Variants in IYD observed in about 807,000 individuals in gnomAD.
IYD encodes the protein iodotyrosine deiodinase 1.
A neutral mutation model predicts 28.4 loss-of-function variants in IYD; 25 were observed. The ratio of observed to expected loss-of-function variants is 0.88; its 90% CI spans 0.64 to 1.23. IYD has a LOEUF of 1.23. IYD is among the 50% of genes most tolerant of loss of function. The pLI is 0.00. For synonymous variants in IYD, 140 were observed against 130.8 expected (o/e 1.07, Z -0.48); for missense variants, 352 against 357.9 (o/e 0.98, Z 0.13).
At chr6:150,396,615 C>T (rs1191846254) in intron 4 of IYD, 6 of 526,266 alleles carry the variant, frequency 1.1e-5, no homozygotes, top group Non-Finnish European at 2.0e-5. Context: ...TGGCTCACGC[C>T]TCTAATCCCA....
At chr6:150,373,630 G>C (rs62432482) in intron 1 of IYD, among the ~76,000 whole-genome samples, 23,633 of 152,078 alleles carry the variant, frequency 0.16, 3,679 homozygotes, top group African/African-American at 0.39. Context: ...TTGAAGTCAC[G>C]CCATGGTGTG....
chr6:150,385,413 T>C (rs1193607583), intron 1 of IYD, among the ~76,000 whole-genome samples: 1 of 152,092 alleles, frequency 6.6e-6, no homozygotes, highest in East Asian at 1.9e-4. Flanking sequence ...TACTAAGAGA[T>C]AAATGTCAAG....
chr6:150,398,190 C>T lies in IYD; in HGVS notation c.823C>T (p.Pro275Ser), dbSNP rs372023699. ...GTACCCCAGCAAGGAGGCCACGGTG[C>T]CTGACCTCAAGCGCAAACCTCTGGA... ...VGYPSKEATV[P>S]DLKRKPLDQI... Residue 275 changes from proline to serine, a missense_variant, in exon 5 of 5, where the codon CCT becomes TCT. Transcript: ENST00000344419. 113 of 1,614,166 alleles carry T rather than the reference C, an allele frequency of 7.0e-5. No homozygotes were observed. Among genetic ancestry groups the T allele is most frequent in the Non-Finnish European group, 9.6e-5 (113 of 1,180,036 alleles).
intron 4 of IYD, chr6:150,395,759 G>A (rs1254628130): frequency 2.9e-6 from 2 of 680,004 alleles, no homozygotes; most frequent in Non-Finnish European, 5.4e-6. Flanking sequence ...GCAGCTTCCA[G>A]AACTTCCTGG....
At chr6:150,397,945 G>A (rs1043532755) in intron 4 of IYD, 110 bp from the exon 5 acceptor site, 22 of 1,115,798 alleles carry the variant, frequency 2.0e-5, no homozygotes, top group Middle Eastern at 2.2e-4. Flanking sequence ...CAACTTCAGG[G>A]AAATGATAGG....
At chr6:150,394,408 T>G (rs1219775483) in intron 4 of IYD, among the ~76,000 whole-genome samples, 153 bp downstream of exon 4, 1 of 152,196 alleles carries the variant, frequency 6.6e-6, no homozygotes, top group African/African-American at 2.4e-5. Flanking sequence ...GAAACCTGGA[T>G]TGGTGACTAT....
At chr6:150,380,569 A>G (rs1365422231) in intron 1 of IYD, among the ~76,000 whole-genome samples, 1 of 152,182 alleles carries the variant, frequency 6.6e-6, no homozygotes, top group African/African-American at 2.4e-5. Context: ...AAAAGGCTGA[A>G]TCCTCAATCC....
At position 150,398,316 on chromosome 6, in the gene IYD, C is replaced by T; in HGVS notation, c.*79C>T. ...CCTCTCGCCTGCTCCTCTTGGGTCT[C>T]TTGGCTGCTCTTTCTCCAGGTGTCA... On this transcript the variant is annotated 3_prime_UTR_variant, in exon 5 of 5. Coordinates refer to ENST00000344419, the MANE Select transcript of IYD (RefSeq NM_203395.3). 7.2e-7 allele frequency: 1 copy of T among 1,394,852 alleles called. No homozygotes were observed. The highest frequency in any genetic ancestry group is 1.0e-6 in the Non-Finnish European group (1 of 987,110). 86.4% of individuals were successfully genotyped at this position (1,394,852 alleles called of 1,614,324 possible).
Position 150,392,275 on chromosome 6 carries a change from C to T in IYD, c.371-70C>T, listed in dbSNP as rs1037193137. On this transcript the variant is annotated intron_variant, in intron 2 of 4. Transcript: ENST00000344419. The stretch of plus-strand genomic sequence containing the variant: ...AAAGTGCTTGGACTACAGGGATGAG[C>T]CTCTCCTTAATTAGCAGTCTCACAC... The T allele has an allele frequency of 1.9e-6, 3 of 1,607,232 alleles. No homozygotes were observed. In the Admixed American group the frequency reaches 5.0e-5, roughly 27 times the overall value.
chr6:150,391,162 G>A (rs1446920224), intron 2 of IYD, among the ~76,000 whole-genome samples: 11 of 151,664 alleles, frequency 7.3e-5, no homozygotes, highest in African/African-American at 2.2e-4. Context: ...GCTTGAACCC[G>A]GGAGGTGGAA....
chr6:150,396,455 G>A, intron 4 of IYD: 2 of 695,986 alleles, frequency 2.9e-6, no homozygotes, highest in Non-Finnish European at 5.2e-6. Context: ...GTTTAATATG[G>A]TCTGTGTATT....
chr6:150,395,559 C>G, intron 4 of IYD: 1 of 1,537,168 alleles, frequency 6.5e-7, no homozygotes, highest in Non-Finnish European at 8.7e-7. Flanking sequence ...GCTCACAAGG[C>G]TGCCCAGGTG....
At chr6:150,397,413 T>C (rs1417963128) in intron 4 of IYD, among the ~76,000 whole-genome samples, 1 of 151,660 alleles carries the variant, frequency 6.6e-6, no homozygotes, top group Non-Finnish European at 1.5e-5. Flanking sequence ...TATAAATAAA[T>C]ACAAAATATA....
At chr6:150,380,282 C>G (rs1205889824) in intron 1 of IYD, among the ~76,000 whole-genome samples, 1 of 152,042 alleles carries the variant, frequency 6.6e-6, no homozygotes, top group Non-Finnish European at 1.5e-5. Flanking sequence ...GATTTTTATT[C>G]CACTGTACCA....
chr6:150,389,670 C>A, intron 2 of IYD, 127 bp downstream of exon 2: 3 of 881,352 alleles, frequency 3.4e-6, no homozygotes, highest in Non-Finnish European at 5.6e-6. Flanking sequence ...TCTATAAAGT[C>A]TTACCCAAAT....
intron 4 of IYD, chr6:150,395,265 T>C: frequency 1.5e-6 from 1 of 664,994 alleles, no homozygotes; most frequent in South Asian, 2.0e-5. Context: ...AACAAGATTA[T>C]AAGAGCAAGT....
chr6:150,387,400 T>A (rs1777906665), intron 1 of IYD, among the ~76,000 whole-genome samples: 1 of 147,698 alleles, frequency 6.8e-6, no homozygotes, highest in Admixed American at 6.8e-5. Context: ...ATTTCTAATT[T>A]TAAAAGAAGA....
chr6:150,378,710 A>C (rs901551069), intron 1 of IYD, among the ~76,000 whole-genome samples: 2 of 152,338 alleles, frequency 1.3e-5, no homozygotes, highest in Non-Finnish European at 2.9e-5. Context: ...AAACTAGTTC[A>C]ACCATTGTGG....
intron 1 of IYD, among the ~76,000 whole-genome samples, chr6:150,388,491 C>G (rs1364349538): frequency 6.6e-6 from 1 of 152,058 alleles, no homozygotes; most frequent in Non-Finnish European, 1.5e-5. Flanking sequence ...TTGAAAAATA[C>G]TTTATTTAGA....
Sources: allele counts gnomAD v4.1 joint callset (sites outside exome capture counted in the v4.1 genomes callset), GRCh38; gene constraint gnomAD v4.1.1; transcripts MANE v1.5; gene names NCBI Gene and HGNC (gene_info 2026-07-23, HGNC 2026-07-21).